SLC35F3: variants seen among roughly 807,000 people sequenced by gnomAD.
SLC35F3 encodes putative thiamine transporter SLC35F3.
SLC35F3 carries 25 observed loss-of-function variants against 49.9 expected under a neutral mutation model. The observed-to-expected ratio is 0.50, with a 90% CI of 0.37 to 0.70. The LOEUF (loss-of-function observed/expected upper bound fraction) is 0.70, where lower values mean the gene tolerates loss of function less well. SLC35F3 is among the 30% of genes least tolerant of loss of function. The probability of loss-of-function intolerance (pLI) is 0.00; values close to 1 mark genes in which losing one functional copy is unlikely to be tolerated. For synonymous variants in SLC35F3, 275 were observed against 265.4 expected (o/e 1.04, Z -0.35); for missense variants, 525 against 639.8 (o/e 0.82, Z 1.94).
At chr1:234,287,031 A>G (rs530875901) in intron 3 of SLC35F3, among the ~76,000 whole-genome samples, 3 of 152,170 alleles carry the variant, frequency 2.0e-5, no homozygotes, top group Admixed American at 1.3e-4. Context: ...AGTTTCTACA[A>G]AAAGTTAAAA....
rs1667367023 is a variant in SLC35F3 at position 234,231,346 on chromosome 1, AGGG to A, written c.284-70_284-68del. 3.1e-6 allele frequency: 4 copies of A among 1,288,520 alleles called. No individual in the cohort carries two copies. The highest frequency in any genetic ancestry group is 4.1e-6 in the Non-Finnish European group (4 of 963,870). The allele number at this position is 1,288,520 out of a possible 1,614,324, so 79.8% of individuals were successfully genotyped here. ...GGTAGCTGGTGGTGACAATGGCTGC[AGGG>A]CAGCGCCCTGCGAAGTGCAGGGGTG... On this transcript the variant is annotated intron_variant, in intron 2 of 7. Transcript: ENST00000366618. The surrounding 1 kb of genome is among the most constrained non-coding windows in gnomAD (Gnocchi z 5.4).
intron 3 of SLC35F3, among the ~76,000 whole-genome samples, chr1:234,233,377 G>C (rs1667414840): frequency 6.6e-6 from 1 of 152,128 alleles, no homozygotes; most frequent in Non-Finnish European, 1.5e-5. Flanking sequence ...AGAATTATTG[G>C]GAGAGAAGAT....
intron 2 of SLC35F3, among the ~76,000 whole-genome samples, chr1:234,166,077 G>A (rs183680298): frequency 2.8e-4 from 43 of 152,164 alleles, no homozygotes; most frequent in South Asian, 4.2e-4. Context: ...ATATATAACC[G>A]CATTTTCTTT....
At chr1:234,126,430 C>A (rs112136618) in intron 2 of SLC35F3, among the ~76,000 whole-genome samples, 3,886 of 148,614 alleles carry the variant, frequency 0.026, 150 homozygotes, top group African/African-American at 0.09. Context: ...CATGTGACAA[C>A]CAGGATATCG....
At chr1:233,910,920 C>T (rs1280436713) in intron 2 of SLC35F3, among the ~76,000 whole-genome samples, 4 of 152,146 alleles carry the variant, frequency 2.6e-5, no homozygotes, top group African/African-American at 9.7e-5. Flanking sequence ...CTGTCTCTAG[C>T]CCACTCCAGC....
rs576433431 is a variant in SLC35F3 at position 233,962,094 on chromosome 1, G to A, written c.283+56336G>A. Among the ~76,000 whole-genome samples, 5 of 152,276 alleles carry A rather than the reference G, an allele frequency of 3.3e-5. No homozygotes were observed. In the South Asian group the frequency reaches 8.3e-4, roughly 25 times the overall value. On this transcript the variant is annotated intron_variant, in intron 2 of 7. Transcript: ENST00000366618. ...TAGCAACTTGATTAAATACAGAAGT[G>A]TATAGATCAAAAATTAAAACCATAC... is the stretch of plus-strand genomic sequence containing the variant.
intron 2 of SLC35F3, among the ~76,000 whole-genome samples, chr1:234,181,792 GT>G (rs1666561269): frequency 6.6e-6 from 1 of 151,996 alleles, no homozygotes; most frequent in Admixed American, 6.6e-5. Flanking sequence ...TTATTTCTTT[GT>G]TTTTGGTTTC....
At chr1:234,096,160 T>A (rs1429403798) in intron 2 of SLC35F3, among the ~76,000 whole-genome samples, 1 of 152,236 alleles carries the variant, frequency 6.6e-6, no homozygotes, top group Admixed American at 6.5e-5. Context: ...TTTCCTTTTC[T>A]CCCCTCAGTG....
chr1:234,097,027 T>C (rs1261396198), intron 2 of SLC35F3, among the ~76,000 whole-genome samples: 1 of 151,962 alleles, frequency 6.6e-6, no homozygotes, highest in African/African-American at 2.4e-5. Context: ...GTAGCTGGGA[T>C]TATGAGCATG....
intron 2 of SLC35F3, among the ~76,000 whole-genome samples, chr1:234,062,766 G>T (rs1053691399): frequency 8.0e-5 from 12 of 150,062 alleles, no homozygotes; most frequent in African/African-American, 2.9e-4. Context: ...TGCAAGCTCT[G>T]CCCCCTGGGT....
At chr1:233,992,026 A>C (rs188553194) in intron 2 of SLC35F3, among the ~76,000 whole-genome samples, 1 of 152,176 alleles carries the variant, frequency 6.6e-6, no homozygotes, top group Non-Finnish European at 1.5e-5. Flanking sequence ...CATTGTGGCG[A>C]GTAAATGCAG....
At chr1:234,123,572 G>T (rs376914241) in intron 2 of SLC35F3, among the ~76,000 whole-genome samples, 1 of 108,208 alleles carries the variant, frequency 9.2e-6, no homozygotes, top group African/African-American at 3.2e-5. Context: ...ACCATGCCTG[G>T]TTAATTTTTT....
intron 2 of SLC35F3, among the ~76,000 whole-genome samples, chr1:234,081,904 ATTTTTTTTTTTTTT>A (rs781469880): frequency 5.9e-4 from 23 of 39,234 alleles, no homozygotes; most frequent in Admixed American, 2.2e-3. Flanking sequence ...TGCCTGGCTA[ATTTTTTTTTTTTTT>A]TTTTTTTTTT....
chr1:234,140,155 C>T (rs1388654757), intron 2 of SLC35F3, among the ~76,000 whole-genome samples: 5 of 151,732 alleles, frequency 3.3e-5, no homozygotes, highest in East Asian at 3.9e-4. Context: ...CAGAGATCCT[C>T]TCGCACTACT....
At chr1:233,934,666 C>A (rs1437001728) in intron 2 of SLC35F3, among the ~76,000 whole-genome samples, 1 of 151,992 alleles carries the variant, frequency 6.6e-6, no homozygotes, top group Non-Finnish European at 1.5e-5. Context: ...TTCTTTACTG[C>A]ATCTAGAGCA....
chr1:234,271,478 G>A lies in SLC35F3; in HGVS notation c.609-37623G>A, dbSNP rs990492280. ...AATGTCTCACCTTCTCTGGTTCAGA[G>A]TTTTTTCGTTTTGTGAAAGAGAAAT... On this transcript the variant is annotated intron_variant, in intron 3 of 7. Coordinates refer to ENST00000366618, the MANE Select transcript of SLC35F3 (RefSeq NM_173508.4). Among the ~76,000 whole-genome samples, 3 of 152,288 alleles carry A rather than the reference G, an allele frequency of 2.0e-5. No homozygotes were observed. The South Asian group carries it at 6.2e-4, about 32-fold the overall frequency.
intron 2 of SLC35F3, among the ~76,000 whole-genome samples, chr1:234,145,112 G>C (rs1665977355): frequency 6.6e-6 from 1 of 152,222 alleles, no homozygotes; most frequent in Admixed American, 6.5e-5. Context: ...CAGCAGCCCT[G>C]AGGGTTTTCA....
intron 2 of SLC35F3, among the ~76,000 whole-genome samples, chr1:234,084,916 C>A (rs1361358541): frequency 6.6e-6 from 1 of 152,166 alleles, no homozygotes. Flanking sequence ...GGATATTCTG[C>A]AGTCAGCCTA....
chr1:233,927,540 C>G (rs977917235), intron 2 of SLC35F3, among the ~76,000 whole-genome samples: 15 of 152,148 alleles, frequency 9.9e-5, no homozygotes, highest in African/African-American at 3.6e-4. Flanking sequence ...GAGACGCATT[C>G]TAATAATTTT....
Sources: gnomAD v4.1 joint callset for allele counts (sites outside exome capture counted in the v4.1 genomes callset) on GRCh38, gnomAD v4.1.1 for gene constraint, Gnocchi (gnomAD v3.1) non-coding constraint, MANE v1.5 for transcripts, NCBI Gene and HGNC (gene_info 2026-07-23, HGNC 2026-07-21) for gene names.